Variants in TMEM131 observed in about 807,000 individuals in gnomAD.
TMEM131 encodes transmembrane protein 131.
TMEM131 carries 66 observed loss-of-function variants against 211.6 expected under a neutral mutation model. The ratio of observed to expected loss-of-function variants is 0.31; its 90% confidence interval spans 0.26 to 0.38. TMEM131 has a LOEUF of 0.38. Among genes scored for constraint, TMEM131 ranks in the 10% least tolerant of loss-of-function variants. The pLI, the probability that TMEM131 is intolerant of heterozygous loss-of-function variation, is 1.00. For synonymous variants in TMEM131, 844 were observed against 841.3 expected, an observed-to-expected ratio of 1.00 and a Z score of -0.06; for missense variants, 2,036 against 2,299.3, an observed-to-expected ratio of 0.89 and a Z score of 2.34.
intron 4 of TMEM131, among the ~76,000 whole-genome samples, chr2:97,868,494 C>G (rs1674361104): frequency 6.6e-6 from 1 of 152,078 alleles, no homozygotes; most frequent in Non-Finnish European, 1.5e-5. Context: ...TATCATCATG[C>G]TAGTTACTTT....
intron 2 of TMEM131, among the ~76,000 whole-genome samples, chr2:97,909,839 G>A (rs1403954137): frequency 2.6e-5 from 4 of 152,038 alleles, no homozygotes; most frequent in Non-Finnish European, 4.4e-5. Context: ...ACAGCAAAAT[G>A]GTAATAACCG....
intron 32 of TMEM131, among the ~76,000 whole-genome samples, chr2:97,774,491 CGTT>C (rs1391560254): frequency 2.0e-5 from 3 of 152,284 alleles, no homozygotes; most frequent in African/African-American, 7.2e-5. Context: ...AGGAATAACT[CGTT>C]GGAGGGGACA....
At chr2:97,786,429 G>A (rs1680252344) in intron 31 of TMEM131, among the ~76,000 whole-genome samples, 1 of 152,050 alleles carries the variant, frequency 6.6e-6, no homozygotes, top group South Asian at 2.1e-4. Context: ...CAGCTACTTG[G>A]GAGGCTGAGG....
intron 4 of TMEM131, among the ~76,000 whole-genome samples, chr2:97,877,654 T>C (rs919289552): frequency 6.6e-6 from 1 of 152,204 alleles, no homozygotes; most frequent in Admixed American, 6.5e-5. Context: ...GCTAGCCATA[T>C]GCAGAAAACT....
intron 23 of TMEM131, 37 bp downstream of exon 23, chr2:97,802,615 T>A (rs953777907): frequency 6.2e-7 from 1 of 1,608,048 alleles, no homozygotes; most frequent in Non-Finnish European, 8.5e-7. Context: ...AATCCTAGTA[T>A]GTATTTCCAA....
chr2:97,881,652 C>T (rs1424666593), intron 4 of TMEM131, among the ~76,000 whole-genome samples: 5 of 131,832 alleles, frequency 3.8e-5, no homozygotes, highest in Non-Finnish European at 7.6e-5. Context: ...ACTGACTTAT[C>T]AAGATTTACC....
At chr2:97,768,119 G>GT in intron 33 of TMEM131, among the ~76,000 whole-genome samples, 1 of 152,294 alleles carries the variant, frequency 6.6e-6, no homozygotes, top group East Asian at 1.9e-4. Flanking sequence ...TAATAAGTAG[G>GT]TATTATATCT....
chr2:97,819,900 AT>A (rs944034097), intron 11 of TMEM131, among the ~76,000 whole-genome samples: 2 of 152,244 alleles, frequency 1.3e-5, no homozygotes, highest in African/African-American at 4.8e-5. Context: ...TCAACAGAAC[AT>A]CAAAGGGCAG....
At chr2:97,861,358 G>C (rs113229374) in intron 4 of TMEM131, among the ~76,000 whole-genome samples, 2 of 151,472 alleles carry the variant, frequency 1.3e-5, no homozygotes, top group African/African-American at 2.4e-5. Flanking sequence ...TCACAGCTCT[G>C]AAAGAGATCC....
chr2:97,886,945 C>T (rs559508790), intron 4 of TMEM131, among the ~76,000 whole-genome samples: 1 of 152,240 alleles, frequency 6.6e-6, no homozygotes, highest in South Asian at 2.1e-4. Context: ...CCCGCTGAGG[C>T]TGCTCAGCTG....
At chr2:97,782,575 A>G (rs1680062076) in intron 31 of TMEM131, among the ~76,000 whole-genome samples, 1 of 152,240 alleles carries the variant, frequency 6.6e-6, no homozygotes, top group Admixed American at 6.5e-5. Flanking sequence ...CATCATAAAA[A>G]TGCTTGTTCA....
At chr2:97,979,906 A>G (rs1679711054) in intron 1 of TMEM131, among the ~76,000 whole-genome samples, 1 of 152,160 alleles carries the variant, frequency 6.6e-6, no homozygotes, top group African/African-American at 2.4e-5. Flanking sequence ...AAGCTTAATC[A>G]TATCTAGCTT....
In TMEM131 at chr2:97,948,236, A is replaced by T. The variant is rs558228657; in HGVS notation, c.188-20749T>A. Among the ~76,000 whole-genome samples, 50 of 152,310 alleles carry T rather than the reference A, an allele frequency of 3.3e-4. No homozygotes were observed. In the South Asian group the frequency reaches 5.6e-3, roughly 17 times the overall value. On this transcript the variant is annotated intron_variant, in intron 1 of 40. Transcript: ENST00000186436. The stretch of plus-strand genomic sequence containing the variant: ...TTTTTTTTAGCTTTTACTCCTCAAA[A>T]GACACTGTTACAAAAGTAAAAATAC...
chr2:97,977,282 C>T (rs1317466293), intron 1 of TMEM131, among the ~76,000 whole-genome samples: 1 of 152,098 alleles, frequency 6.6e-6, no homozygotes, highest in Non-Finnish European at 1.5e-5. Context: ...AATACTGGTA[C>T]CCAGAACATA....
At chr2:97,909,794 T>TTG (rs1029538623) in intron 2 of TMEM131, among the ~76,000 whole-genome samples, 1 of 152,052 alleles carries the variant, frequency 6.6e-6, no homozygotes, top group Non-Finnish European at 1.5e-5. Context: ...GCAAAATAAT[T>TTG]TGTGTGTGTG....
At chr2:97,887,950 C>A in intron 4 of TMEM131, 102 bp downstream of exon 4, 2 of 901,364 alleles carry the variant, frequency 2.2e-6, no homozygotes. Context: ...GAACATGTAA[C>A]TTTCCCACAT....
intron 4 of TMEM131, among the ~76,000 whole-genome samples, chr2:97,876,878 C>T (rs965425061): frequency 5.9e-5 from 9 of 151,958 alleles, no homozygotes; most frequent in Non-Finnish European, 1.0e-4. Context: ...AAAGAAATAA[C>T]GGGTATTCAA....
At position 97,860,334 on chromosome 2, in the gene TMEM131, T is replaced by C. The variant is rs760683118; in HGVS notation, c.360-907A>G. Among the ~76,000 whole-genome samples the C allele has an allele frequency of 9.8e-5, 15 of 152,290 alleles. No homozygotes were observed. In the South Asian group the frequency reaches 1.9e-3, roughly 19 times the overall value. The stretch of plus-strand genomic sequence containing the variant: ...CACGGCTCTGCTAATCTGCCTGCCC[T>C]GTGTTTTTTTTCCCTATCCTCCTAT... On this transcript the variant is annotated intron_variant, in intron 4 of 40. Transcript: ENST00000186436.
At chr2:97,834,968 G>T in intron 8 of TMEM131, 43 bp from the exon 9 acceptor site, 1 of 1,604,592 alleles carries the variant, frequency 6.2e-7, no homozygotes, top group Non-Finnish European at 8.5e-7. Context: ...CTTTTGTAAT[G>T]TAGCAAAACC....
Sources: allele counts gnomAD v4.1 joint callset (sites outside exome capture counted in the v4.1 genomes callset), GRCh38; gene constraint gnomAD v4.1.1; transcripts MANE v1.5; gene names NCBI Gene and HGNC (gene_info 2026-07-23, HGNC 2026-07-21).